Variants in PRR5 observed in about 807,000 individuals in gnomAD.
PRR5 encodes proline-rich protein 5.
In PRR5, 25 loss-of-function variants were observed where a neutral mutation model predicts 30.6. That is an observed-to-expected ratio of 0.82 (90% CI 0.60 to 1.14). The LOEUF (loss-of-function observed/expected upper bound fraction) is 1.14. Among genes scored for constraint, PRR5 ranks in the 50% most tolerant of loss-of-function variants. The pLI, the probability that PRR5 is intolerant of heterozygous loss-of-function variation, is 0.00. For missense variants in PRR5, 600 were observed against 547.1 expected, an observed-to-expected ratio of 1.10 and a Z score of -0.96; for synonymous variants, 286 against 247.1, an observed-to-expected ratio of 1.16 and a Z score of -1.48.
upstream of PRR5, among the ~76,000 whole-genome samples, chr22:44,672,936 A>G (rs1923509388): frequency 6.6e-6 from 1 of 152,228 alleles, no homozygotes; most frequent in Non-Finnish European, 1.5e-5. Flanking sequence ...ACTACACAGC[A>G]TGCGCGAAGG....
At chr22:44,701,469 A>G (rs1280307423), upstream of PRR5, among the ~76,000 whole-genome samples, 1 of 152,258 alleles carries the variant, frequency 6.6e-6, no homozygotes, top group Non-Finnish European at 1.5e-5. Flanking sequence ...ATGTTAGTTC[A>G]TGTGAAATCA....
At chr22:44,728,011 C>G (rs1454943097) in intron 4 of PRR5, among the ~76,000 whole-genome samples, 1 of 152,196 alleles carries the variant, frequency 6.6e-6, no homozygotes. Context: ...TCTGGCGGTG[C>G]CTGTACCTCC....
At chr22:44,735,621 C>T (rs1923083656) in intron 7 of PRR5, among the ~76,000 whole-genome samples, 1 of 152,182 alleles carries the variant, frequency 6.6e-6, no homozygotes, top group South Asian at 2.1e-4. Flanking sequence ...GCTCCCTTGA[C>T]GGAGGGCCTC....
intron 4 of PRR5, chr22:44,730,890 C>G: frequency 2.2e-6 from 1 of 459,726 alleles, no homozygotes; most frequent in Non-Finnish European, 4.5e-6. Flanking sequence ...TCGATCACCC[C>G]TGGCTACTGC....
rs551287154 is a variant in PRR5 at position 44,736,078 on chromosome 22, C to T, written c.692-694C>T. On this transcript the variant is annotated intron_variant, in intron 7 of 7. Transcript: ENST00000336985. ...GTCCTGCATGGGAACCTGAACCCTG[C>T]CCCCCAACCAGCCTTGGCCACCTGT... Among the ~76,000 whole-genome samples the T allele has an allele frequency of 1.1e-4, 16 of 152,282 alleles. No homozygotes were observed. In the South Asian group the frequency reaches 2.9e-3, roughly 28 times the overall value.
intron 1 of PRR5, among the ~76,000 whole-genome samples, chr22:44,695,763 T>G (rs571938404): frequency 6.6e-6 from 1 of 151,734 alleles, no homozygotes; most frequent in African/African-American, 2.4e-5. Flanking sequence ...CATGCCCAGC[T>G]AATTTTTTTG....
chr22:44,733,414 C>T (rs1922604370), intron 6 of PRR5, among the ~76,000 whole-genome samples: 2 of 152,260 alleles, frequency 1.3e-5, no homozygotes, highest in South Asian at 2.1e-4. Context: ...CCCTCTTTAT[C>T]GTTCTGAATC....
At chr22:44,716,135 T>G (rs1929014768) in intron 2 of PRR5, among the ~76,000 whole-genome samples, 1 of 151,896 alleles carries the variant, frequency 6.6e-6, no homozygotes, top group African/African-American at 2.4e-5. Context: ...TCCCCAGGAG[T>G]GTGTGCTGGG....
chr22:44,712,854 G>A (rs1230812407), intron 1 of PRR5, among the ~76,000 whole-genome samples: 1 of 152,204 alleles, frequency 6.6e-6, no homozygotes, highest in East Asian at 1.9e-4. Context: ...GTGGCCAGCA[G>A]CGGGCACTCA....
chr22:44,690,681 C>A (rs1569070985), intron 1 of PRR5, among the ~76,000 whole-genome samples: 2 of 152,206 alleles, frequency 1.3e-5, no homozygotes, highest in Non-Finnish European at 2.9e-5. Flanking sequence ...GCTGCACAGC[C>A]CATGCTCTGA....
intron 6 of PRR5, chr22:44,734,626 G>A: frequency 5.4e-6 from 1 of 184,314 alleles, no homozygotes; most frequent in Non-Finnish European, 1.1e-5. Context: ...GGCCCCATGG[G>A]GCAGGGAGCC....
intron 1 of PRR5, among the ~76,000 whole-genome samples, chr22:44,712,312 A>G (rs5765918): frequency 0.35 from 53,892 of 152,178 alleles, 10,061 homozygotes; most frequent in South Asian, 0.48. Flanking sequence ...AGCCCTGGGC[A>G]GAGCTGGATC....
chr22:44,681,568 A>G (rs1601950905), intron 1 of PRR5, among the ~76,000 whole-genome samples: 2 of 151,366 alleles, frequency 1.3e-5, no homozygotes, highest in Middle Eastern at 3.4e-3. Context: ...AGCCTGGGCA[A>G]TAAGAGCAAG....
chr22:44,673,971 T>C (rs201240573), upstream of PRR5, among the ~76,000 whole-genome samples: 1 of 152,136 alleles, frequency 6.6e-6, no homozygotes, highest in African/African-American at 2.4e-5. Flanking sequence ...ATTTTAAATA[T>C]AAAACCAACA....
At chr22:44,680,419 T>G (rs906396393) in intron 1 of PRR5, among the ~76,000 whole-genome samples, 2 of 151,664 alleles carry the variant, frequency 1.3e-5, no homozygotes, top group African/African-American at 4.8e-5. Flanking sequence ...GGATGGGGGA[T>G]GGGGACAGAA....
chr22:44,674,864 T>C (rs1225378489), upstream of PRR5, among the ~76,000 whole-genome samples: 2 of 151,788 alleles, frequency 1.3e-5, no homozygotes, highest in Non-Finnish European at 1.5e-5. Flanking sequence ...GAGAATTGCT[T>C]GAACCTGGGA....
chr22:44,729,230 C>A, intron 4 of PRR5: 1 of 864,414 alleles, frequency 1.2e-6, no homozygotes, highest in Non-Finnish European at 1.4e-6. Flanking sequence ...CTGGTCCACC[C>A]AGCGCGTGGC....
intron 1 of PRR5, among the ~76,000 whole-genome samples, chr22:44,671,202 G>A (rs1433585675): frequency 6.6e-6 from 1 of 152,154 alleles, no homozygotes; most frequent in African/African-American, 2.4e-5. Flanking sequence ...AGCCCAGAGG[G>A]GGGCCGCAGG....
chr22:44,710,806 A>G (rs993581589), intron 1 of PRR5, among the ~76,000 whole-genome samples: 29 of 152,140 alleles, frequency 1.9e-4, no homozygotes, highest in Non-Finnish European at 3.8e-4. Context: ...GCCACAGAGT[A>G]GGTGGGCCCA....
Sources: allele counts gnomAD v4.1 joint callset (sites outside exome capture counted in the v4.1 genomes callset), GRCh38; gene constraint gnomAD v4.1.1; transcripts MANE v1.5; gene names NCBI Gene and HGNC (gene_info 2026-07-23, HGNC 2026-07-21).